Variants in CADPS observed in about 807,000 individuals in gnomAD.
The protein encoded by CADPS is calcium dependent secretion activator.
Under a neutral mutation model 167.3 loss-of-function variants are expected in CADPS, and 57 were observed. The ratio of observed to expected loss-of-function variants is 0.34; its 90% CI spans 0.28 to 0.42. The LOEUF (loss-of-function observed/expected upper bound fraction) is 0.42, where lower values mean the gene tolerates loss of function less well. Among genes scored for constraint, CADPS ranks in the 20% least tolerant of loss-of-function variants. The pLI, the probability that CADPS is intolerant of heterozygous loss-of-function variation, is 1.00. For synonymous variants in CADPS, 676 were observed against 635.3 expected, an observed-to-expected ratio of 1.06 and a Z score of -0.96; for missense variants, 1,414 against 1,738.1, an observed-to-expected ratio of 0.81 and a Z score of 3.32.
At chr3:62,502,632 G>A (rs1254316201) in intron 17 of CADPS, among the ~76,000 whole-genome samples, 11 of 152,076 alleles carry the variant, frequency 7.2e-5, no homozygotes, top group East Asian at 1.9e-4. Flanking sequence ...TTGAGAGCCC[G>A]AGTCTCAGCT....
intron 1 of CADPS, among the ~76,000 whole-genome samples, chr3:62,854,827 A>G (rs1237419189): frequency 6.6e-6 from 1 of 152,174 alleles, no homozygotes; most frequent in Non-Finnish European, 1.5e-5. Flanking sequence ...AGTTTTCTAA[A>G]CTTTTTTAAA....
At position 62,651,039 on chromosome 3, in the gene CADPS, G is replaced by A. The variant is rs2069981225; in HGVS notation, c.1011C>T (p.Asn337=). The change falls in exon 5 of 30, where the codon AAC becomes AAT. Residue 337 remains asparagine (N), a synonymous_variant. Coordinates refer to ENST00000383710, the MANE Select transcript of CADPS (RefSeq NM_003716.4). Reference sequence around the variant, plus strand: ...ATGACTTCAGCTCCTCAATGTACATGTTTTCCATTTCTTTGGATACAAACT... The same window carrying A: ...ATGACTTCAGCTCCTCAATGTACATATTTTCCATTTCTTTGGATACAAACT... ...FPKFVSKEME[N]MYIEELKSSV... is the part of the protein sequence containing the mutation. 4.3e-6 allele frequency: 7 copies of A among 1,614,006 alleles called. No individual in the cohort carries two copies. Among genetic ancestry groups the A allele is most frequent in the Non-Finnish European group, 5.9e-6 (7 of 1,179,930 alleles).
intron 6 of CADPS, among the ~76,000 whole-genome samples, chr3:62,644,074 T>A (rs1228829645): frequency 6.6e-6 from 1 of 152,198 alleles, no homozygotes; most frequent in African/African-American, 2.4e-5. Context: ...TGCCTATTCA[T>A]GCAAAGAGCC....
Position 62,443,346 on chromosome 3 carries a change from A to G in CADPS, c.3669+2419T>C, listed in dbSNP as rs538773133. Among the ~76,000 whole-genome samples the G allele has an allele frequency of 3.3e-5, 5 of 152,284 alleles. No individual in the cohort carries two copies. The South Asian group carries it at 1.0e-3, about 32-fold the overall frequency. On this transcript the variant is annotated intron_variant, in intron 27 of 29. Transcript: ENST00000383710. Reference sequence around the variant, plus strand: ...TAGTAGCAGTAATAGTAGTTATTATATTTTGTATAATCAGTGGTAAATGTA... The same window carrying G: ...TAGTAGCAGTAATAGTAGTTATTATGTTTTGTATAATCAGTGGTAAATGTA...
At chr3:62,615,225 G>A (rs1482860861) in intron 6 of CADPS, among the ~76,000 whole-genome samples, 1 of 152,106 alleles carries the variant, frequency 6.6e-6, no homozygotes, top group African/African-American at 2.4e-5. Flanking sequence ...GAAGGAAAGA[G>A]TAATTACTCA....
chr3:62,686,079 A>G (rs6799849), intron 3 of CADPS, among the ~76,000 whole-genome samples: 85,164 of 151,970 alleles, frequency 0.56, 24,810 homozygotes, highest in East Asian at 0.95. Context: ...ATATCAAAAC[A>G]TCACTATGTA....
chr3:62,653,135 C>T (rs570909562), intron 4 of CADPS, among the ~76,000 whole-genome samples: 5 of 152,244 alleles, frequency 3.3e-5, no homozygotes, highest in Admixed American at 1.3e-4. Flanking sequence ...GCTAACTTAC[C>T]TTCTTGGTAG....
chr3:62,590,754 T>C, intron 7 of CADPS, among the ~76,000 whole-genome samples: 1 of 152,136 alleles, frequency 6.6e-6, no homozygotes, highest in East Asian at 1.9e-4. Context: ...AGATGTTATA[T>C]CAGAGGCTCA....
rs1422354535 is a variant in CADPS, at chr3:62,486,741, A to G, written c.3026+4598T>C. On this transcript the variant is annotated intron_variant, in intron 21 of 29. Transcript: ENST00000383710. ...AAGTGGAAGAAAAATGCTTTATTGAAGTGGTAGTGTAAAATCTCTGGTGGT... is the reference window on the plus strand; with the variant it reads ...AAGTGGAAGAAAAATGCTTTATTGAGGTGGTAGTGTAAAATCTCTGGTGGT... Among the ~76,000 whole-genome samples, 5 of 152,350 alleles carry G rather than the reference A, an allele frequency of 3.3e-5. No homozygotes were observed. In the East Asian group the frequency reaches 9.6e-4, roughly 29 times the overall value.
Position 62,602,645 on chromosome 3 carries a change from G to A in CADPS, c.1326-9897C>T, listed in dbSNP as rs764737407. Among the ~76,000 whole-genome samples the A allele has an allele frequency of 9.1e-4, 138 of 152,126 alleles. No individual in the cohort carries two copies. The highest frequency in any genetic ancestry group is 1.7e-3 in the Non-Finnish European group (114 of 68,022). On this transcript the variant is annotated intron_variant, in intron 6 of 29. Transcript: ENST00000383710. The surrounding 1 kb of genome is among the most constrained non-coding windows in gnomAD (Gnocchi z 4.4). ...TTGGGTTCTTTAGTGTACTAGAAAA[G>A]CTAAGCTACCTCTCATCTACATAAG...
At chr3:62,585,380 A>G in intron 7 of CADPS, 56 bp from the exon 8 acceptor site, 1 of 1,558,282 alleles carries the variant, frequency 6.4e-7, no homozygotes. Flanking sequence ...ATGTTTTTAT[A>G]GATTAGAAAC....
At position 62,808,212 on chromosome 3, in the gene CADPS, A is replaced by T. The variant is rs114884922; in HGVS notation, c.442-42228T>A. ...CTAAACGCTGAATGTTTCTAAATGG[A>T]ATGAAATGCTGAATATATCTAAATG... On this transcript the variant is annotated intron_variant, in intron 1 of 29. Coordinates refer to ENST00000383710, the MANE Select transcript of CADPS (RefSeq NM_003716.4). Among the ~76,000 whole-genome samples the T allele has an allele frequency of 6.5e-3, 978 of 149,522 alleles. 13 individuals carry two copies. Among genetic ancestry groups the T allele is most frequent in the African/African-American group, 0.023 (913 of 40,462 alleles).
chr3:62,845,218 G>A (rs879816127), intron 1 of CADPS, among the ~76,000 whole-genome samples: 10 of 152,162 alleles, frequency 6.6e-5, no homozygotes, highest in Non-Finnish European at 1.5e-4. Flanking sequence ...CAGAGTCTGA[G>A]AGAACAAGAA....
In CADPS at chr3:62,662,274, T is replaced by C. The variant is rs781189081; in HGVS notation, c.969+40A>G. 2.6e-6 allele frequency: 4 copies of C among 1,537,162 alleles called. No individual in the cohort carries two copies. The East Asian group carries it at 9.0e-5, about 35-fold the overall frequency. On this transcript the variant is annotated intron_variant, in intron 4 of 29. Transcript: ENST00000383710. ...ATCAATGTGCTTCCTGAGTGGGACTTTGGCCTGGACCCCAGCAAACAACCA... is the reference window on the plus strand; with the variant it reads ...ATCAATGTGCTTCCTGAGTGGGACTCTGGCCTGGACCCCAGCAAACAACCA...
intron 1 of CADPS, among the ~76,000 whole-genome samples, chr3:62,777,829 G>A (rs2090682407): frequency 6.6e-6 from 1 of 152,162 alleles, no homozygotes; most frequent in Non-Finnish European, 1.5e-5. Context: ...GGGAAGAACA[G>A]AAAATTCTAT....
chr3:62,540,908 A>C (rs1018579677), intron 11 of CADPS, among the ~76,000 whole-genome samples: 1 of 152,186 alleles, frequency 6.6e-6, no homozygotes, highest in Admixed American at 6.6e-5. Context: ...TGACATTAGC[A>C]GAGGGAAAAC....
At chr3:62,622,019 A>G (rs1448578826) in intron 6 of CADPS, among the ~76,000 whole-genome samples, 2 of 151,260 alleles carry the variant, frequency 1.3e-5, no homozygotes, top group Admixed American at 1.3e-4. Context: ...TACAAGTTTC[A>G]CGTCCTCTGT....
intron 28 of CADPS, among the ~76,000 whole-genome samples, chr3:62,419,715 G>A (rs2050906081): frequency 6.6e-6 from 1 of 152,112 alleles, no homozygotes; most frequent in Admixed American, 6.5e-5. Context: ...TGCATTTAGA[G>A]TGAACTGCAT....
At chr3:62,691,997 A>T (rs1449991399) in intron 3 of CADPS, among the ~76,000 whole-genome samples, 1 of 152,012 alleles carries the variant, frequency 6.6e-6, no homozygotes, top group African/African-American at 2.4e-5. Context: ...TATGAAATAA[A>T]TTTATAACTC....
Sources: allele counts gnomAD v4.1 joint callset (sites outside exome capture counted in the v4.1 genomes callset), GRCh38; gene constraint gnomAD v4.1.1; non-coding constraint Gnocchi (gnomAD v3.1); transcripts MANE v1.5; gene names NCBI Gene and HGNC (gene_info 2026-07-23, HGNC 2026-07-21).